Variants in TTN observed in about 807,000 individuals in gnomAD.
TTN encodes titin.
TTN carries 1,525 observed loss-of-function variants against 3,223.0 expected under a neutral mutation model. The ratio of observed to expected loss-of-function variants is 0.47; its 90% CI spans 0.45 to 0.49. The LOEUF (loss-of-function observed/expected upper bound fraction) is 0.49. Among genes scored for constraint, TTN ranks in the 20% least tolerant of loss-of-function variants. The probability of loss-of-function intolerance (pLI) is 0.00; values close to 1 mark genes in which losing one functional copy is unlikely to be tolerated. For missense variants in TTN, 40,786 were observed against 43,424.0 expected, an observed-to-expected ratio of 0.94 and a Z score of 5.40; for synonymous variants, 14,094 against 15,161.0, an observed-to-expected ratio of 0.93 and a Z score of 5.17.
At chr2:178,733,187 C>A in intron 54 of TTN, 52 bp downstream of exon 54, 1 of 1,555,974 alleles carries the variant, frequency 6.4e-7, no homozygotes, top group East Asian at 2.3e-5. Flanking sequence ...GACTTTAGGC[C>A]ATTTGTTGGG....
At chr2:178,772,379 T>C (rs1181494720) in intron 33 of TTN, among the ~76,000 whole-genome samples, 1 of 152,150 alleles carries the variant, frequency 6.6e-6, no homozygotes, top group Non-Finnish European at 1.5e-5. Flanking sequence ...ACGATCTGAA[T>C]GTAACATCTC....
At chr2:178,735,289 TTTG>T (rs1366686951) in intron 50 of TTN, among the ~76,000 whole-genome samples, 2 of 152,196 alleles carry the variant, frequency 1.3e-5, no homozygotes, top group African/African-American at 4.8e-5. Flanking sequence ...TTAAGCAAGC[TTTG>T]TTAATAGCAG....
At position 178,609,787 on chromosome 2, in the gene TTN, A is replaced by G. The variant is rs2055873294; in HGVS notation, c.51636T>C (p.Leu17212=). The G allele has an allele frequency of 6.2e-7, 1 of 1,612,844 alleles. No individual in the cohort carries two copies. Among genetic ancestry groups the G allele is most frequent in the Non-Finnish European group, 8.5e-7 (1 of 1,179,214 alleles). ...GGAATTGGTACTCTTTCCCCTCTTC[A>G]AGTCCTTTTGCTGTATAGGTCAGGA... ...VPILTYTAKG[L]EEGKEYQFRV... Residue 17212 remains leucine (L), a synonymous_variant, in exon 272 of 363, where the codon CTT becomes CTC. Coordinates refer to ENST00000589042, the MANE Select transcript of TTN (RefSeq NM_001267550.2).
chr2:178,646,875 A>G (rs2062085230), intron 215 of TTN, among the ~76,000 whole-genome samples, 189 bp downstream of exon 215: 1 of 152,016 alleles, frequency 6.6e-6, no homozygotes, highest in Admixed American at 6.6e-5. Context: ...GTAATTACCA[A>G]CAACAGTAAC....
At chr2:178,651,624 A>G (rs2062985183) in intron 206 of TTN, 42 bp downstream of exon 206, 1 of 1,612,282 alleles carries the variant, frequency 6.2e-7, no homozygotes, top group African/African-American at 1.3e-5. Context: ...TGACACTTCA[A>G]AGAAAGTTTT....
In TTN at chr2:178,620,255, T is replaced by C; in HGVS notation, c.46266A>G (p.Lys15422=). ...TGATTTCTCTCCCATTTCTGTACCA[T>C]TTTACATTGGCTTTCTCTCTGGAGA... ...CQLSREKANV[K]WYRNGREIKE... The change falls in exon 248 of 363, where the codon AAA becomes AAG. Residue 15422 remains lysine, a synonymous_variant. Coordinates refer to ENST00000589042, the MANE Select transcript of TTN (RefSeq NM_001267550.2). 6.5e-7 allele frequency: 1 copy of C among 1,540,482 alleles called. No homozygotes were observed. The highest frequency in any genetic ancestry group is 8.7e-7 in the Non-Finnish European group (1 of 1,147,406).
rs778927957 is a variant in TTN at position 178,663,832 on chromosome 2, G to T, written c.36435C>A (p.Val12145=). 1 of 1,613,404 alleles carries T rather than the reference G, an allele frequency of 6.2e-7. No homozygotes were observed. Among genetic ancestry groups the T allele is most frequent in the Non-Finnish European group, 8.5e-7 (1 of 1,179,808 alleles). The change falls in exon 170 of 363, where the codon GTC becomes GTA. Residue 12145 remains valine, a synonymous_variant. Coordinates refer to ENST00000589042, the MANE Select transcript of TTN (RefSeq NM_001267550.2). Reference sequence around the variant, plus strand: ...AGTGGCAACTACCTTTAACAGGTGGGACTTCAGGCTCTTTAGGAGGAGCCA... The same window carrying T: ...AGTGGCAACTACCTTTAACAGGTGGTACTTCAGGCTCTTTAGGAGGAGCCA... ...VPLAPPKEPE[V]PPVKVPEPPK...
rs1405126923 is a variant in TTN at position 178,607,598 on chromosome 2, G to GTCA, written c.53087_53089dup (p.Val17696_Thr17697insMet). 1 of 1,613,170 alleles carries GTCA rather than the reference G, an allele frequency of 6.2e-7. No homozygotes were observed. The highest frequency in any genetic ancestry group is 1.7e-4 in the Middle Eastern group (1 of 6,054). On this transcript the variant is annotated inframe_insertion, in exon 277 of 363. Coordinates refer to ENST00000589042, the MANE Select transcript of TTN (RefSeq NM_001267550.2). ...TACTTTTGTAGGTACAGGGCGACCA[G>GTCA]TCACCACAGCTGGAATTCTAAGAGT...
At position 178,727,169 on chromosome 2, in the gene TTN, A is replaced by G; in HGVS notation, c.20196T>C (p.Thr6732=). 2 of 1,613,060 alleles carry G rather than the reference A, an allele frequency of 1.2e-6. No homozygotes were observed. Among genetic ancestry groups the G allele is most frequent in the South Asian group, 2.2e-5 (2 of 90,944 alleles). ...CACAAATGAAATCTCCACTGTCCTC[A>G]GTACTGAGATTGTTCATCTGTATGA... ...VAVIQMNNLS[T]EDSGDFICEA... is the part of the protein sequence containing the mutation. Residue 6732 remains threonine (T), a synonymous_variant, in exon 69 of 363, where the codon ACT becomes ACC. Transcript: ENST00000589042.
intron 144 of TTN, 95 bp from the exon 145 acceptor site, chr2:178,678,303 C>T: frequency 6.6e-7 from 1 of 1,512,214 alleles, no homozygotes; most frequent in South Asian, 1.2e-5. Flanking sequence ...TGACATATTT[C>T]TAACCAGATA....
In TTN at chr2:178,610,174, A is replaced by C; in HGVS notation, c.51352T>G (p.Phe17118Val). 1 of 1,613,038 alleles carries C rather than the reference A, an allele frequency of 6.2e-7. No individual in the cohort carries two copies. The highest frequency in any genetic ancestry group is 8.5e-7 in the Non-Finnish European group (1 of 1,179,316). Residue 17118 changes from phenylalanine to valine, a missense_variant, in exon 271 of 363, where the codon TTC (phenylalanine) becomes GTC (valine). Coordinates refer to ENST00000589042, the MANE Select transcript of TTN (RefSeq NM_001267550.2). ...VKDLIPNGEY[F>V]FRVKAVNKVG... Reference sequence around the variant, plus strand: ...TTGTTGACTGCTTTAACACGGAAGAAGTATTCACCATTTGGTATGAGATCC... The same window carrying C: ...TTGTTGACTGCTTTAACACGGAAGACGTATTCACCATTTGGTATGAGATCC...
At chr2:178,541,934 A>C in intron 349 of TTN, 1 of 256,648 alleles carries the variant, frequency 3.9e-6, no homozygotes, top group South Asian at 1.2e-4. Flanking sequence ...TTTTTTTCTC[A>C]CTATAACATT....
At chr2:178,681,224 T>A in intron 137 of TTN, 53 bp from the exon 138 acceptor site, 1 of 1,508,130 alleles carries the variant, frequency 6.6e-7, no homozygotes, top group East Asian at 2.3e-5. Flanking sequence ...TTGAATACTA[T>A]GTAATAAATA....
At chr2:178,528,081 A>T in intron 361 of TTN, 193 bp downstream of exon 361, 4 of 633,498 alleles carry the variant, frequency 6.3e-6, no homozygotes, top group Non-Finnish European at 1.0e-5. Context: ...TTTACTTTGA[A>T]ATGTAATCTA....
Position 178,794,414 on chromosome 2 carries a change from T to C in TTN, c.1383A>G (p.Gln461=). 1 of 1,614,102 alleles carries C rather than the reference T, an allele frequency of 6.2e-7. No homozygotes were observed. The highest frequency in any genetic ancestry group is 8.5e-7 in the Non-Finnish European group (1 of 1,179,994). ...QRTTTTAVHI[Q]PAQEQVRKEA... Reference sequence around the variant, plus strand: ...TCGCACGTACCTGTTCTTGAGCAGGTTGGATGTGCACAGCAGTCGTGGTTG... The same window carrying C: ...TCGCACGTACCTGTTCTTGAGCAGGCTGGATGTGCACAGCAGTCGTGGTTG... The change falls in exon 8 of 363, where the codon CAA becomes CAG. Residue 461 remains glutamine (Q), a synonymous_variant. Transcript: ENST00000589042.
chr2:178,601,957 T>C (rs1187144726), intron 284 of TTN, 43 bp from the exon 285 acceptor site: 3 of 1,612,706 alleles, frequency 1.9e-6, no homozygotes, highest in South Asian at 1.1e-5. Flanking sequence ...AAATACTCCT[T>C]ATAGTGATTC....
intron 43 of TTN, among the ~76,000 whole-genome samples, chr2:178,763,341 T>C (rs566431701): frequency 3.3e-5 from 5 of 152,352 alleles, no homozygotes; most frequent in African/African-American, 1.2e-4. Flanking sequence ...ATGAGCACTG[T>C]GCTATGTGCT....
At chr2:178,554,354 C>T in intron 332 of TTN, 99 bp downstream of exon 332, 1 of 1,432,956 alleles carries the variant, frequency 7.0e-7, no homozygotes, top group Non-Finnish European at 9.5e-7. Flanking sequence ...GGTAATGAGA[C>T]AGGTGTTATA....
rs1451460997 is a variant in TTN, at chr2:178,569,233, T to A, written c.76899A>T (p.Ile25633=). 1.2e-6 allele frequency: 2 copies of A among 1,603,586 alleles called. No homozygotes were observed. Among genetic ancestry groups the A allele is most frequent in the African/African-American group, 1.3e-5 (1 of 74,400 alleles). Residue 25633 remains isoleucine (I), a synonymous_variant, in exon 326 of 363, where the codon ATA becomes ATT. Transcript: ENST00000589042. ...EPPLLDGGSK[I]KNYIVEKREA... is the part of the protein sequence containing the mutation. Reference sequence around the variant, plus strand: ...CACGTTTCTCAACAATGTAATTTTTTATTTTGGATCCCCCATCCAACAAAG... The same window carrying A: ...CACGTTTCTCAACAATGTAATTTTTAATTTTGGATCCCCCATCCAACAAAG...
Sources: gnomAD v4.1 joint callset for allele counts (sites outside exome capture counted in the v4.1 genomes callset) on GRCh38, gnomAD v4.1.1 for gene constraint, MANE v1.5 for transcripts, NCBI Gene and HGNC (gene_info 2026-07-23, HGNC 2026-07-21) for gene names.